KANSL1: variants seen among roughly 807,000 people sequenced by gnomAD.
The protein encoded by KANSL1 is MLL1/MLL complex subunit KANSL1.
KANSL1 carries 22 observed loss-of-function variants against 103.6 expected under a neutral mutation model. That is an observed-to-expected ratio of 0.21 (90% confidence interval 0.15 to 0.30). The LOEUF (loss-of-function observed/expected upper bound fraction) is 0.30, where lower values mean the gene tolerates loss of function less well. KANSL1 is among the 10% of genes least tolerant of loss of function. The probability of loss-of-function intolerance (pLI) is 1.00; values close to 1 mark genes in which losing one functional copy is unlikely to be tolerated. For synonymous variants in KANSL1, 600 were observed against 527.6 expected (o/e 1.14, Z -1.88); for missense variants, 1,337 against 1,399.8 (o/e 0.96, Z 0.72).
intron 4 of KANSL1, among the ~76,000 whole-genome samples, chr17:46,067,890 G>A (rs898046493): frequency 1.3e-5 from 2 of 152,184 alleles, no homozygotes; most frequent in South Asian, 2.1e-4. Flanking sequence ...CAGGAGGATC[G>A]CTTGAGACCA....
intron 2 of KANSL1, among the ~76,000 whole-genome samples, chr17:46,156,620 G>GA (rs1485977361): frequency 6.6e-6 from 1 of 152,190 alleles, no homozygotes; most frequent in East Asian, 1.9e-4. Flanking sequence ...ATACTAAAAC[G>GA]AAACAGAGAC....
chr17:46,104,436 T>C (rs1416778260), intron 2 of KANSL1, among the ~76,000 whole-genome samples: 1 of 152,220 alleles, frequency 6.6e-6, no homozygotes, highest in Non-Finnish European at 1.5e-5. Flanking sequence ...GATCCTCTTA[T>C]TTTGTTATTT....
At chr17:46,058,700 C>T (rs1050326992) in intron 6 of KANSL1, among the ~76,000 whole-genome samples, 1 of 135,740 alleles carries the variant, frequency 7.4e-6, no homozygotes, top group African/African-American at 2.8e-5. Context: ...ATTGGAAAAG[C>T]CAGATTTAAA....
At chr17:46,159,903 A>G (rs2045639958) in intron 2 of KANSL1, among the ~76,000 whole-genome samples, 1 of 152,242 alleles carries the variant, frequency 6.6e-6, no homozygotes, top group Non-Finnish European at 1.5e-5. Flanking sequence ...CTCCTGGTCA[A>G]TGCTGGTGTC....
chr17:46,157,338 T>C (rs2045484528), intron 2 of KANSL1, among the ~76,000 whole-genome samples: 1 of 152,198 alleles, frequency 6.6e-6, no homozygotes, highest in South Asian at 2.1e-4. Context: ...CTTCCCTAAA[T>C]TAGTCAGCCA....
chr17:46,165,381 C>T (rs1250180423), intron 2 of KANSL1, among the ~76,000 whole-genome samples: 5 of 152,244 alleles, frequency 3.3e-5, no homozygotes, highest in South Asian at 4.2e-4. Context: ...TACAGGGGAC[C>T]GCCACCACGC....
intron 2 of KANSL1, among the ~76,000 whole-genome samples, chr17:46,134,206 T>G (rs1010938764): frequency 2.0e-5 from 3 of 152,020 alleles, no homozygotes; most frequent in Non-Finnish European, 4.4e-5. Context: ...GAGACCAGCC[T>G]GACCAACATT....
chr17:46,135,952 A>G (rs970457041), intron 2 of KANSL1, among the ~76,000 whole-genome samples: 13 of 152,168 alleles, frequency 8.5e-5, no homozygotes, highest in Non-Finnish European at 1.9e-4. Context: ...ATAAAATTTC[A>G]TCATTTTGAA....
intron 7 of KANSL1, chr17:46,050,294 C>A: frequency 3.7e-6 from 2 of 537,760 alleles, no homozygotes; most frequent in Non-Finnish European, 6.6e-6. Context: ...AGCCCAGATC[C>A]CTCCTAGCTA....
At chr17:46,085,406 T>G (rs188005505) in intron 3 of KANSL1, among the ~76,000 whole-genome samples, 7 of 152,320 alleles carry the variant, frequency 4.6e-5, no homozygotes, top group African/African-American at 1.7e-4. Context: ...GCACGGTGAT[T>G]GTATCTTACT....
chr17:46,171,967 G>A lies in KANSL1; in HGVS notation c.177C>T (p.Pro59=). Residue 59 remains proline (P), a synonymous_variant, in exon 2 of 15, where the codon CCC becomes CCT. Coordinates refer to ENST00000432791, the MANE Select transcript of KANSL1 (RefSeq NM_015443.4). ...TAGGATTATTTCGGAAATCTAGGCT[G>A]GGATCCTCTGCAGCAATGGCTTTTC... ...TKRKAIAAED[P]SLDFRNNPTK... is the part of the protein sequence containing the mutation. The A allele has an allele frequency of 6.2e-7, 1 of 1,614,272 alleles. No individual in the cohort carries two copies. The highest frequency in any genetic ancestry group is 1.1e-5 in the South Asian group (1 of 91,090).
At chr17:46,073,176 T>C (rs2078638772) in intron 4 of KANSL1, among the ~76,000 whole-genome samples, 1 of 152,218 alleles carries the variant, frequency 6.6e-6, no homozygotes, top group Admixed American at 6.5e-5. Context: ...TGAAGATGTA[T>C]CTTGGACTGT....
intron 9 of KANSL1, 160 bp from the exon 10 acceptor site, chr17:46,038,846 A>G: frequency 8.8e-7 from 1 of 1,135,514 alleles, no homozygotes; most frequent in Non-Finnish European, 1.3e-6. Flanking sequence ...AAGTAGGGGC[A>G]GGGCAGAGGT....
intron 1 of KANSL1, among the ~76,000 whole-genome samples, chr17:46,183,466 G>A (rs1251284736): frequency 6.6e-6 from 1 of 152,104 alleles, no homozygotes; most frequent in Non-Finnish European, 1.5e-5. Context: ...CTTGAGCCTG[G>A]CGGGTGGAGG....
intron 7 of KANSL1, 150 bp from the exon 8 acceptor site, chr17:46,040,034 T>C (rs975435861): frequency 9.7e-5 from 58 of 597,158 alleles, no homozygotes; most frequent in Non-Finnish European, 1.3e-4. Flanking sequence ...TACGTGAACA[T>C]TACTGAAGGT....
chr17:46,185,516 CT>C (rs1402150061), intron 1 of KANSL1, among the ~76,000 whole-genome samples: 1 of 152,100 alleles, frequency 6.6e-6, no homozygotes, highest in Non-Finnish European at 1.5e-5. Flanking sequence ...AGCAACTGCA[CT>C]TCTAGAAATC....
At chr17:46,168,201 T>A (rs1312983526) in intron 2 of KANSL1, among the ~76,000 whole-genome samples, 2 of 152,228 alleles carry the variant, frequency 1.3e-5, no homozygotes, top group Admixed American at 1.3e-4. Context: ...ATTCTCATTG[T>A]CTGGTCAACT....
chr17:46,094,054 C>T (rs1293785991), intron 3 of KANSL1: 2 of 153,256 alleles, frequency 1.3e-5, no homozygotes, highest in African/African-American at 4.8e-5. Flanking sequence ...GATACCCACA[C>T]AGTTTTGTTC....
intron 4 of KANSL1, among the ~76,000 whole-genome samples, chr17:46,068,203 T>C (rs1224409759): frequency 6.6e-6 from 1 of 152,186 alleles, no homozygotes; most frequent in Non-Finnish European, 1.5e-5. Flanking sequence ...TAAATGTAGT[T>C]AATATCTGCT....
Sources: gnomAD v4.1 joint callset for allele counts (sites outside exome capture counted in the v4.1 genomes callset) on GRCh38, gnomAD v4.1.1 for gene constraint, MANE v1.5 for transcripts, NCBI Gene and HGNC (gene_info 2026-07-23, HGNC 2026-07-21) for gene names.